DLGAP4: variants seen among roughly 807,000 people sequenced by gnomAD.
DLGAP4 encodes disks large-associated protein 4.
DLGAP4 carries 18 observed loss-of-function variants against 86.9 expected under a neutral mutation model. The observed-to-expected ratio is 0.21, with a 90% CI of 0.14 to 0.31. The LOEUF is 0.31. Among genes scored for constraint, DLGAP4 ranks in the 10% least tolerant of loss-of-function variants. The pLI, the probability that DLGAP4 is intolerant of heterozygous loss-of-function variation, is 1.00. For missense variants in DLGAP4, 1,085 were observed against 1,362.6 expected (o/e 0.80, Z 3.21); for synonymous variants, 548 against 574.3 (o/e 0.95, Z 0.65).
At chr20:36,462,890 G>A (rs555383929) in intron 7 of DLGAP4, among the ~76,000 whole-genome samples, 1 of 152,354 alleles carries the variant, frequency 6.6e-6, no homozygotes, top group South Asian at 2.1e-4. Flanking sequence ...GATCGCTTGT[G>A]GGCAGGCCGG....
chr20:36,392,414 C>G (rs541495512), intron 2 of DLGAP4, among the ~76,000 whole-genome samples: 66 of 152,250 alleles, frequency 4.3e-4, no homozygotes, highest in Non-Finnish European at 7.5e-4. Context: ...CTACGTCTTC[C>G]AGGCTGGAGT....
intron 2 of DLGAP4, among the ~76,000 whole-genome samples, chr20:36,383,423 A>T (rs1206546935): frequency 3.3e-5 from 5 of 152,152 alleles, no homozygotes; most frequent in Non-Finnish European, 5.9e-5. Context: ...AGCCCTTGAG[A>T]TGAGGTGGCA....
chr20:36,349,396 T>G (rs2030064396), intron 1 of DLGAP4, among the ~76,000 whole-genome samples: 2 of 143,122 alleles, frequency 1.4e-5, no homozygotes, highest in African/African-American at 2.6e-5. Flanking sequence ...CCAACCTGGG[T>G]GACAGAGCAA....
At chr20:36,413,560 T>G (rs985082880) in intron 2 of DLGAP4, among the ~76,000 whole-genome samples, 1 of 151,418 alleles carries the variant, frequency 6.6e-6, no homozygotes, top group Non-Finnish European at 1.5e-5. Context: ...GGACTACAGG[T>G]GTGTGCCACC....
chr20:36,323,420 G>A (rs1483069217), intron 1 of DLGAP4, among the ~76,000 whole-genome samples: 1 of 152,150 alleles, frequency 6.6e-6, no homozygotes, highest in Non-Finnish European at 1.5e-5. Context: ...CATCATGGCT[G>A]TTGTGTGTAT....
chr20:36,389,844 A>C (rs557173871), intron 2 of DLGAP4, among the ~76,000 whole-genome samples: 3 of 152,232 alleles, frequency 2.0e-5, no homozygotes, highest in African/African-American at 7.2e-5. Flanking sequence ...AGGTGTGTGC[A>C]GAGTATCCAT....
intron 7 of DLGAP4, among the ~76,000 whole-genome samples, chr20:36,485,227 A>C (rs1297506320): frequency 6.6e-6 from 1 of 152,202 alleles, no homozygotes; most frequent in Non-Finnish European, 1.5e-5. Flanking sequence ...ACAAAAAATT[A>C]AAAATGAGCC....
rs572630248 is a variant in DLGAP4 at position 36,411,488 on chromosome 20, C to A, written c.-72-20158C>A. Among the ~76,000 whole-genome samples the A allele has an allele frequency of 1.4e-4, 22 of 152,274 alleles. 2 individuals carry two copies. The South Asian group carries it at 4.6e-3, about 32-fold the overall frequency. On this transcript the variant is annotated intron_variant, in intron 2 of 12. Transcript: ENST00000339266. ...GGTGCTGGGTGATCTTTTACCCGGTCTCCTCATGGACAGCCTTTTGGGATG... is the reference window on the plus strand; with the variant it reads ...GGTGCTGGGTGATCTTTTACCCGGTATCCTCATGGACAGCCTTTTGGGATG...
At chr20:36,494,238 G>A (rs2035787239) in intron 7 of DLGAP4, among the ~76,000 whole-genome samples, 1 of 152,134 alleles carries the variant, frequency 6.6e-6, no homozygotes, top group African/African-American at 2.4e-5. Context: ...GTGGCCTCTG[G>A]ACTAGGCTGG....
chr20:36,314,870 A>T (rs1373553742), intron 1 of DLGAP4, among the ~76,000 whole-genome samples: 4 of 105,368 alleles, frequency 3.8e-5, no homozygotes, highest in Non-Finnish European at 5.8e-5. Context: ...TGATGTGGGT[A>T]TGTGGTGTGT....
intron 7 of DLGAP4, among the ~76,000 whole-genome samples, chr20:36,485,457 A>T (rs1368753306): frequency 6.6e-6 from 1 of 152,104 alleles, no homozygotes; most frequent in Admixed American, 6.5e-5. Context: ...GGTTTCCAAC[A>T]TGGCAGCTGT....
At chr20:36,441,252 T>C (rs1321191827) in intron 5 of DLGAP4, among the ~76,000 whole-genome samples, 3 of 152,238 alleles carry the variant, frequency 2.0e-5, no homozygotes, top group African/African-American at 7.2e-5. Flanking sequence ...GCTCCAGCCA[T>C]GCCGGCCTCC....
chr20:36,373,631 A>G (rs774209431), intron 2 of DLGAP4, among the ~76,000 whole-genome samples: 22 of 152,226 alleles, frequency 1.4e-4, no homozygotes, highest in Non-Finnish European at 2.9e-4. Context: ...GCTATGACCT[A>G]AAGTAGACCA....
At chr20:36,501,064 C>CTTTT (rs11480703) in intron 10 of DLGAP4, among the ~76,000 whole-genome samples, 7 of 138,116 alleles carry the variant, frequency 5.1e-5, no homozygotes, top group African/African-American at 1.1e-4. Context: ...CCTTCAACAA[C>CTTTT]TTTTTTTTTT....
chr20:36,409,380 A>T (rs1000923009), intron 2 of DLGAP4, among the ~76,000 whole-genome samples: 1 of 147,670 alleles, frequency 6.8e-6, no homozygotes, highest in African/African-American at 2.5e-5. Context: ...AAGTAAAATA[A>T]AAAAAATTTT....
chr20:36,382,592 C>T (rs1445751776), intron 2 of DLGAP4, among the ~76,000 whole-genome samples: 7 of 143,120 alleles, frequency 4.9e-5, no homozygotes, highest in African/African-American at 1.0e-4. Context: ...TGCAGTGGCA[C>T]GATCTCGGCT....
intron 2 of DLGAP4, among the ~76,000 whole-genome samples, chr20:36,385,779 T>C (rs762992876): frequency 6.6e-6 from 1 of 152,182 alleles, no homozygotes; most frequent in Non-Finnish European, 1.5e-5. Flanking sequence ...GTTGTGGCCA[T>C]TTGAGGCTCT....
At chr20:36,458,743 G>A (rs1473974822) in intron 7 of DLGAP4, among the ~76,000 whole-genome samples, 2 of 152,150 alleles carry the variant, frequency 1.3e-5, no homozygotes, top group African/African-American at 4.8e-5. Context: ...TACTCAGGGG[G>A]CTGCATGGAG....
Position 36,419,714 on chromosome 20 carries a change from A to C in DLGAP4, c.-72-11932A>C, listed in dbSNP as rs529257095. Among the ~76,000 whole-genome samples, 16 of 152,312 alleles carry C rather than the reference A, an allele frequency of 1.1e-4. No individual in the cohort carries two copies. In the East Asian group the frequency reaches 2.7e-3, roughly 26 times the overall value. The stretch of plus-strand genomic sequence containing the variant: ...TTGGCAGGAGGCCTCAGTTCCTTCC[A>C]CATGGCCCTCTCCTTAGGACTACTT... On this transcript the variant is annotated intron_variant, in intron 2 of 12. Coordinates refer to ENST00000339266, the MANE Select transcript of DLGAP4 (RefSeq NM_001365621.2).
Sources: gnomAD v4.1 joint callset for allele counts (sites outside exome capture counted in the v4.1 genomes callset) on GRCh38, gnomAD v4.1.1 for gene constraint, MANE v1.5 for transcripts, NCBI Gene and HGNC (gene_info 2026-07-23, HGNC 2026-07-21) for gene names.